The following PTPRD variants were observed in gnomAD, a reference collection of about 807,000 sequenced individuals.
PTPRD encodes the protein protein tyrosine phosphatase receptor type D.
Under a neutral mutation model 214.5 loss-of-function variants are expected in PTPRD, and 34 were observed. The observed-to-expected ratio is 0.16, with a 90% confidence interval of 0.12 to 0.21. The LOEUF (loss-of-function observed/expected upper bound fraction) is 0.21. PTPRD is among the 10% of genes least tolerant of loss of function. PTPRD has a pLI of 1.00. For synonymous variants in PTPRD, 1,128 were observed against 845.7 expected (o/e 1.33, Z -5.79); for missense variants, 2,545 against 2,398.7 (o/e 1.06, Z -1.27).
At chr9:9,453,065 T>A (rs959598523) in intron 8 of PTPRD, among the ~76,000 whole-genome samples, 2 of 150,570 alleles carry the variant, frequency 1.3e-5, no homozygotes, top group Non-Finnish European at 3.0e-5. Context: ...TTAATATCCA[T>A]AAGATGTGAC....
chr9:8,812,997 G>A (rs564452975), intron 11 of PTPRD, among the ~76,000 whole-genome samples: 3 of 152,116 alleles, frequency 2.0e-5, no homozygotes, highest in Non-Finnish European at 4.4e-5. Flanking sequence ...TTTTGCTTCC[G>A]CTCCTCATGA....
chr9:8,881,270 T>C (rs959542665), intron 11 of PTPRD, among the ~76,000 whole-genome samples: 2 of 152,240 alleles, frequency 1.3e-5, no homozygotes, highest in Admixed American at 1.3e-4. Context: ...AAGTTGTATA[T>C]CAGTCAAATC....
intron 4 of PTPRD, among the ~76,000 whole-genome samples, chr9:9,953,346 T>C (rs763841403): frequency 6.6e-6 from 1 of 152,132 alleles, no homozygotes; most frequent in Non-Finnish European, 1.5e-5. Flanking sequence ...AAAGACTACA[T>C]ACTGGGTACA....
intron 3 of PTPRD, among the ~76,000 whole-genome samples, chr9:10,287,197 A>G (rs902121748): frequency 6.6e-6 from 1 of 152,202 alleles, no homozygotes; most frequent in African/African-American, 2.4e-5. Flanking sequence ...GTAAAAATTG[A>G]CAAGGGTAGC....
At chr9:8,732,101 G>A (rs963922761) in intron 12 of PTPRD, among the ~76,000 whole-genome samples, 8 of 152,176 alleles carry the variant, frequency 5.3e-5, no homozygotes, top group African/African-American at 1.9e-4. Context: ...AGAGGAAGAT[G>A]GAGGAGAAAA....
rs1050510713 is a variant in PTPRD at position 9,705,581 on chromosome 9, T to G, written c.-287+28952A>C. Among the ~76,000 whole-genome samples, 3 of 152,080 alleles carry G rather than the reference T, an allele frequency of 2.0e-5. No homozygotes were observed. The East Asian group carries it at 5.8e-4, about 29-fold the overall frequency. ...TGCTCTCCATGATCTTAGAAGCATA[T>G]AATAAAGATAGTAATAGTGTATGAG... On this transcript the variant is annotated intron_variant, in intron 7 of 45. Transcript: ENST00000381196.
intron 11 of PTPRD, among the ~76,000 whole-genome samples, chr9:8,935,849 A>G (rs1466139149): frequency 6.6e-6 from 1 of 152,216 alleles, no homozygotes; most frequent in African/African-American, 2.4e-5. Flanking sequence ...GTGAGTATAC[A>G]GTTTCCTTTT....
chr9:9,359,452 A>G (rs927487538), intron 9 of PTPRD, among the ~76,000 whole-genome samples: 1 of 151,390 alleles, frequency 6.6e-6, no homozygotes, highest in Non-Finnish European at 1.5e-5. Context: ...CTCTCTTTTC[A>G]TCTCTGTCCT....
At chr9:8,329,773 C>T (rs1462489181) in intron 44 of PTPRD, among the ~76,000 whole-genome samples, 1 of 152,080 alleles carries the variant, frequency 6.6e-6, no homozygotes, top group African/African-American at 2.4e-5. Context: ...GTGGACTCAG[C>T]CCTGTTTGAA....
At chr9:9,402,043 C>T (rs923699098) in intron 8 of PTPRD, among the ~76,000 whole-genome samples, 7 of 151,990 alleles carry the variant, frequency 4.6e-5, no homozygotes, top group Admixed American at 2.0e-4. Context: ...GTGAGTTCTT[C>T]GTGTTTATTA....
intron 39 of PTPRD, among the ~76,000 whole-genome samples, chr9:8,374,636 C>G (rs552950904): frequency 6.6e-6 from 1 of 152,036 alleles, no homozygotes; most frequent in South Asian, 2.1e-4. Context: ...TCTCTTGACA[C>G]GACATAATTC....
At chr9:10,221,171 T>C (rs7859020) in intron 3 of PTPRD, among the ~76,000 whole-genome samples, 2,698 of 152,080 alleles carry the variant, frequency 0.018, 80 homozygotes, top group African/African-American at 0.061. Context: ...AACATAAACA[T>C]GGAAGGTTGA....
chr9:8,860,600 T>A (rs1037333634), intron 11 of PTPRD: 2 of 152,136 alleles, frequency 1.3e-5, no homozygotes, highest in African/African-American at 4.8e-5. Context: ...TGAGTAGTAA[T>A]GGAAGTGAGA....
chr9:10,410,971 G>A (rs953461739), intron 2 of PTPRD, among the ~76,000 whole-genome samples: 2 of 151,746 alleles, frequency 1.3e-5, no homozygotes, highest in Non-Finnish European at 2.9e-5. Flanking sequence ...ATATGGGGCT[G>A]AGTTTTATTA....
intron 3 of PTPRD, among the ~76,000 whole-genome samples, chr9:10,179,051 G>T (rs577138055): frequency 1.3e-5 from 2 of 152,000 alleles, no homozygotes; most frequent in South Asian, 4.1e-4. Context: ...TAATATCTAA[G>T]TATGCTATAG....
At chr9:10,259,276 G>A (rs1432912384) in intron 3 of PTPRD, among the ~76,000 whole-genome samples, 2 of 151,856 alleles carry the variant, frequency 1.3e-5, no homozygotes, top group East Asian at 1.9e-4. Flanking sequence ...AGCCCGCCTC[G>A]GCCTCCCAAA....
intron 11 of PTPRD, among the ~76,000 whole-genome samples, chr9:8,754,630 T>C (rs12343063): frequency 0.051 from 7,720 of 152,278 alleles, 488 homozygotes; most frequent in African/African-American, 0.15. Context: ...GAAAGATAAA[T>C]AATACATCTT....
intron 8 of PTPRD, among the ~76,000 whole-genome samples, chr9:9,410,960 C>T (rs568091932): frequency 1.5e-4 from 23 of 152,144 alleles, no homozygotes; most frequent in Middle Eastern, 6.8e-3. Flanking sequence ...TAAGTGTGGG[C>T]GCGTGCCTGC....
chr9:8,557,215 C>T (rs905705405), intron 14 of PTPRD, among the ~76,000 whole-genome samples: 1 of 151,844 alleles, frequency 6.6e-6, no homozygotes, highest in African/African-American at 2.4e-5. Flanking sequence ...GCCATGAATA[C>T]ATTGAAGATT....
Sources: allele counts gnomAD v4.1 joint callset (sites outside exome capture counted in the v4.1 genomes callset), GRCh38; gene constraint gnomAD v4.1.1; transcripts MANE v1.5; gene names NCBI Gene and HGNC (gene_info 2026-07-23, HGNC 2026-07-21).